The following MDGA2 variants were observed in gnomAD, a reference collection of about 807,000 sequenced individuals.
MDGA2 encodes the protein MAM domain-containing glycosylphosphatidylinositol anchor protein 2.
Under a neutral mutation model 117.8 loss-of-function variants are expected in MDGA2, and 40 were observed. The observed-to-expected ratio is 0.34, with a 90% confidence interval of 0.26 to 0.44. The LOEUF (loss-of-function observed/expected upper bound fraction) is 0.44, where lower values mean the gene tolerates loss of function less well. MDGA2 is among the 20% of genes least tolerant of loss of function. The pLI is 1.00. For synonymous variants in MDGA2, 452 were observed against 439.0 expected, an observed-to-expected ratio of 1.03 and a Z score of -0.37; for missense variants, 1,123 against 1,250.6, an observed-to-expected ratio of 0.90 and a Z score of 1.54.
intron 1 of MDGA2, among the ~76,000 whole-genome samples, chr14:47,624,240 CT>C (rs1897100917): frequency 1.3e-5 from 2 of 152,130 alleles, no homozygotes; most frequent in East Asian, 3.9e-4. Flanking sequence ...GGCGGATCAC[CT>C]GAGGTCAGGA....
chr14:47,609,997 G>C (rs1426502880), intron 1 of MDGA2, among the ~76,000 whole-genome samples: 2 of 151,944 alleles, frequency 1.3e-5, no homozygotes, highest in Admixed American at 6.6e-5. Context: ...AATCCACCAT[G>C]ATCAAGTGGG....
intron 6 of MDGA2, among the ~76,000 whole-genome samples, chr14:47,089,929 T>C (rs1412677065): frequency 1.3e-5 from 2 of 152,174 alleles, no homozygotes; most frequent in African/African-American, 4.8e-5. Context: ...GCATATAGCA[T>C]TACTGGTAGC....
At chr14:47,479,740 T>C (rs979060480) in intron 1 of MDGA2, among the ~76,000 whole-genome samples, 1 of 151,768 alleles carries the variant, frequency 6.6e-6, no homozygotes, top group African/African-American at 2.4e-5. Flanking sequence ...CAATATCTGA[T>C]GAGTAAGGAA....
chr14:47,257,892 A>ATT (rs896927430), intron 2 of MDGA2, among the ~76,000 whole-genome samples: 2 of 152,024 alleles, frequency 1.3e-5, no homozygotes, highest in Admixed American at 1.3e-4. Flanking sequence ...CTTCTCATGT[A>ATT]TTTTTTTATT....
intron 10 of MDGA2, among the ~76,000 whole-genome samples, chr14:46,910,175 A>G (rs1282441605): frequency 6.6e-6 from 1 of 152,110 alleles, no homozygotes; most frequent in Non-Finnish European, 1.5e-5. Context: ...GACAATAAGC[A>G]TGTAAATAGT....
intron 10 of MDGA2, 88 bp from the exon 11 acceptor site, chr14:46,882,309 A>C (rs1882492617): frequency 1.7e-6 from 2 of 1,200,882 alleles, no homozygotes; most frequent in South Asian, 1.5e-5. Context: ...AAATTTTATT[A>C]AATCAAAAAG....
intron 1 of MDGA2, among the ~76,000 whole-genome samples, chr14:47,651,255 C>A (rs998663502): frequency 7.5e-6 from 1 of 133,480 alleles, no homozygotes; most frequent in African/African-American, 2.7e-5. Context: ...TGTGTGTATA[C>A]CCATAAATAC....
At chr14:47,656,768 G>A (rs1703359833) in intron 1 of MDGA2, among the ~76,000 whole-genome samples, 1 of 152,044 alleles carries the variant, frequency 6.6e-6, no homozygotes, top group Non-Finnish European at 1.5e-5. Flanking sequence ...TTTTAAAAAG[G>A]CCACAACAAT....
chr14:47,073,472 G>A (rs1298124393), intron 6 of MDGA2, among the ~76,000 whole-genome samples: 1 of 152,116 alleles, frequency 6.6e-6, no homozygotes, highest in East Asian at 1.9e-4. Flanking sequence ...TTCCAACACA[G>A]AATATCCAAA....
chr14:46,882,312 T>A, intron 10 of MDGA2, 91 bp from the exon 11 acceptor site: 1 of 1,130,160 alleles, frequency 8.8e-7, no homozygotes, highest in Non-Finnish European at 1.3e-6. Context: ...TTTTATTAAA[T>A]CAAAAAGTAC....
intron 6 of MDGA2, among the ~76,000 whole-genome samples, chr14:47,083,937 CAGAT>C (rs1230351865): frequency 2.0e-5 from 3 of 151,964 alleles, no homozygotes; most frequent in Non-Finnish European, 2.9e-5. Flanking sequence ...GAAGCAAAAA[CAGAT>C]AGAACTGAAA....
intron 3 of MDGA2, among the ~76,000 whole-genome samples, chr14:47,189,650 AATC>A (rs1393801143): frequency 6.6e-6 from 1 of 152,156 alleles, no homozygotes; most frequent in Non-Finnish European, 1.5e-5. Context: ...GCTGTTAGAC[AATC>A]ATCATTTAAA....
chr14:47,319,011 C>T (rs556878857), intron 1 of MDGA2, among the ~76,000 whole-genome samples: 7 of 152,198 alleles, frequency 4.6e-5, no homozygotes, highest in South Asian at 4.1e-4. Flanking sequence ...TTTCCTTTAA[C>T]CTGAGGAGTA....
Position 46,943,803 on chromosome 14 carries a change from T to A in MDGA2, c.2089+13571A>T, listed in dbSNP as rs529069025. On this transcript the variant is annotated intron_variant, in intron 9 of 16. Coordinates refer to ENST00000399232, the MANE Select transcript of MDGA2 (RefSeq NM_001113498.3). ...GATTGGCAGACTTATTTGTAAAGGGTGAGACAGTAAATATTCTTGGCTTGA... is the reference window on the plus strand; with the variant it reads ...GATTGGCAGACTTATTTGTAAAGGGAGAGACAGTAAATATTCTTGGCTTGA... Among the ~76,000 whole-genome samples, 10 of 152,200 alleles carry A rather than the reference T, an allele frequency of 6.6e-5. No individual in the cohort carries two copies. In the South Asian group the frequency reaches 2.1e-3, roughly 32 times the overall value.
At chr14:47,216,257 T>C (rs1886084859) in intron 3 of MDGA2, among the ~76,000 whole-genome samples, 1 of 152,180 alleles carries the variant, frequency 6.6e-6, no homozygotes, top group South Asian at 2.1e-4. Flanking sequence ...AATAAGATTT[T>C]TAAATTATCA....
chr14:47,293,516 G>C (rs1284455209), intron 2 of MDGA2, among the ~76,000 whole-genome samples: 1 of 152,158 alleles, frequency 6.6e-6, no homozygotes, highest in Non-Finnish European at 1.5e-5. Context: ...CACCTACTTT[G>C]TTGAGTTAAA....
intron 8 of MDGA2, among the ~76,000 whole-genome samples, chr14:46,962,531 T>G (rs1279629945): frequency 6.6e-6 from 1 of 152,180 alleles, no homozygotes; most frequent in Non-Finnish European, 1.5e-5. Flanking sequence ...GCAAATACCC[T>G]CAAGGCAAAT....
chr14:47,300,626 A>G (rs1889244393), intron 2 of MDGA2, among the ~76,000 whole-genome samples: 1 of 151,868 alleles, frequency 6.6e-6, no homozygotes. Flanking sequence ...AGTAGCTGAG[A>G]CTACGGGTGT....
chr14:47,186,856 T>C (rs1455210311), intron 3 of MDGA2, among the ~76,000 whole-genome samples: 13 of 151,982 alleles, frequency 8.6e-5, no homozygotes, highest in Admixed American at 8.5e-4. Flanking sequence ...GATTATTATG[T>C]ATTGTTGATT....
Sources: allele counts gnomAD v4.1 joint callset (sites outside exome capture counted in the v4.1 genomes callset), GRCh38; gene constraint gnomAD v4.1.1; transcripts MANE v1.5; gene names NCBI Gene and HGNC (gene_info 2026-07-23, HGNC 2026-07-21).